The following PARD3B variants were observed in gnomAD, a reference collection of about 807,000 sequenced individuals.
PARD3B encodes the protein par-3 family cell polarity regulator beta.
A neutral mutation model predicts 130.2 loss-of-function variants in PARD3B; 103 were observed. The ratio of observed to expected loss-of-function variants is 0.79; its 90% CI spans 0.67 to 0.93. The LOEUF (loss-of-function observed/expected upper bound fraction) is 0.93. PARD3B is among the 40% of genes least tolerant of loss of function. The pLI, the probability that PARD3B is intolerant of heterozygous loss-of-function variation, is 0.00. For missense variants in PARD3B, 1,609 were observed against 1,499.2 expected (o/e 1.07, Z -1.21); for synonymous variants, 583 against 553.2 (o/e 1.05, Z -0.76).
chr2:204,688,578 T>TAAA (rs568862087), intron 2 of PARD3B, among the ~76,000 whole-genome samples: 1 of 94,588 alleles, frequency 1.1e-5, no homozygotes, highest in Non-Finnish European at 2.3e-5. Context: ...AGACTCCATC[T>TAAA]AAAAAAAAAA....
At chr2:205,039,030 A>G (rs1168097433) in intron 3 of PARD3B, among the ~76,000 whole-genome samples, 2 of 151,882 alleles carry the variant, frequency 1.3e-5, no homozygotes, top group Admixed American at 6.6e-5. Context: ...ATCTCTTCTC[A>G]GTACTTTGCT....
intron 18 of PARD3B, among the ~76,000 whole-genome samples, chr2:205,387,908 T>C (rs916122221): frequency 5.3e-5 from 8 of 152,278 alleles, no homozygotes; most frequent in African/African-American, 1.9e-4. Context: ...TTTTAATGCA[T>C]TATGGCAGAT....
intron 20 of PARD3B, among the ~76,000 whole-genome samples, chr2:205,495,787 T>C (rs2049901535): frequency 6.6e-6 from 1 of 152,196 alleles, no homozygotes; most frequent in Admixed American, 6.5e-5. Flanking sequence ...GAGCAGTCTT[T>C]GAAATGAGAA....
chr2:204,774,918 C>A (rs897567943), intron 2 of PARD3B, among the ~76,000 whole-genome samples: 1 of 152,120 alleles, frequency 6.6e-6, no homozygotes, highest in Non-Finnish European at 1.5e-5. Flanking sequence ...TGGCATTTCT[C>A]AGTGCTTTCA....
intron 1 of PARD3B, among the ~76,000 whole-genome samples, chr2:204,607,939 C>A (rs2033785291): frequency 6.6e-6 from 1 of 152,138 alleles, no homozygotes; most frequent in South Asian, 2.1e-4. Flanking sequence ...ACCCCTTTGA[C>A]AATTTGGACA....
intron 21 of PARD3B, among the ~76,000 whole-genome samples, chr2:205,543,478 G>T (rs928750583): frequency 6.6e-6 from 1 of 152,000 alleles, no homozygotes; most frequent in East Asian, 1.9e-4. Context: ...CACCACCATG[G>T]GTTCATTTGA....
chr2:205,206,216 CTT>C (rs201694463), intron 15 of PARD3B, among the ~76,000 whole-genome samples: 11 of 127,884 alleles, frequency 8.6e-5, no homozygotes, highest in African/African-American at 3.2e-4. Flanking sequence ...TTTTTTTTTT[CTT>C]TTTTTTTTTT....
chr2:205,018,506 G>T (rs1043495517), intron 3 of PARD3B, among the ~76,000 whole-genome samples: 1 of 151,974 alleles, frequency 6.6e-6, no homozygotes, highest in Non-Finnish European at 1.5e-5. Context: ...AGTGTTTTCA[G>T]TTGATCTCTT....
intron 20 of PARD3B, among the ~76,000 whole-genome samples, chr2:205,452,965 A>C (rs2048155691): frequency 6.6e-6 from 1 of 152,208 alleles, no homozygotes; most frequent in African/African-American, 2.4e-5. Flanking sequence ...ATTGACCGGG[A>C]TGCTTTTCAA....
intron 1 of PARD3B, among the ~76,000 whole-genome samples, chr2:204,604,730 A>G (rs1309504393): frequency 6.6e-6 from 1 of 152,186 alleles, no homozygotes; most frequent in Non-Finnish European, 1.5e-5. Flanking sequence ...TGATATTTAG[A>G]GTTCCTTTAA....
At position 205,361,439 on chromosome 2, in the gene PARD3B, C is replaced by T. The variant is rs552266424; in HGVS notation, c.2631-39574C>T. ...CTGGACAGTGCTGAGTACACACTGA[C>T]GAATTCTTCTTGCCTAATCCTCTCT... is the stretch of plus-strand genomic sequence containing the variant. On this transcript the variant is annotated intron_variant, in intron 18 of 22. Coordinates refer to ENST00000406610, the MANE Select transcript of PARD3B (RefSeq NM_001302769.2). Among the ~76,000 whole-genome samples the T allele has an allele frequency of 5.3e-5, 8 of 152,288 alleles. No homozygotes were observed. The South Asian group carries it at 8.3e-4, about 16-fold the overall frequency.
chr2:205,227,057 GT>G lies in PARD3B; in HGVS notation c.2141-18711del, dbSNP rs201634658. Among the ~76,000 whole-genome samples, 1,000 of 147,828 alleles carry G rather than the reference GT, an allele frequency of 6.8e-3. 6 individuals are homozygous for G. Among genetic ancestry groups the G allele is most frequent in the African/African-American group, 0.019 (772 of 40,358 alleles). On this transcript the variant is annotated intron_variant, in intron 15 of 22. Transcript: ENST00000406610. ...AGAATATACTCGATATAATTTCAGG[GT>G]TTTTTTTTTGCATATTTTAAGACTT...
intron 3 of PARD3B, among the ~76,000 whole-genome samples, chr2:204,973,951 A>G (rs1054405434): frequency 6.6e-6 from 1 of 152,064 alleles, no homozygotes; most frequent in Non-Finnish European, 1.5e-5. Context: ...AAAGACAAAG[A>G]CCTCCCAGAT....
Position 205,413,858 on chromosome 2 carries a change from C to T in PARD3B, c.2741+12735C>T, listed in dbSNP as rs76207970. 4.3e-3 allele frequency among the ~76,000 whole-genome samples: 650 copies of T among 152,250 alleles called. 1 individual carries two copies. Among genetic ancestry groups the T allele is most frequent in the Non-Finnish European group, 6.9e-3 (466 of 68,016 alleles). On this transcript the variant is annotated intron_variant, in intron 19 of 22. Coordinates refer to ENST00000406610, the MANE Select transcript of PARD3B (RefSeq NM_001302769.2). ...TCAAATTGGGCTTGTGTCCCCATCC[C>T]CTTTCATTGACTTAAATTTAATCAG...
chr2:204,815,868 G>C (rs895161622), intron 2 of PARD3B, among the ~76,000 whole-genome samples: 8 of 152,026 alleles, frequency 5.3e-5, no homozygotes, highest in African/African-American at 1.9e-4. Flanking sequence ...TCTGGTCAGG[G>C]AACATGCTTG....
At chr2:205,097,795 C>A (rs1474125132) in intron 4 of PARD3B, among the ~76,000 whole-genome samples, 3 of 150,994 alleles carry the variant, frequency 2.0e-5, no homozygotes, top group Non-Finnish European at 2.9e-5. Context: ...AATTGTCATG[C>A]CAATTTCTGG....
chr2:204,650,344 C>T (rs2035434607), intron 1 of PARD3B, among the ~76,000 whole-genome samples: 1 of 152,108 alleles, frequency 6.6e-6, no homozygotes, highest in Non-Finnish European at 1.5e-5. Context: ...TGTGGCAATT[C>T]CTCAAAGAGT....
chr2:205,123,076 C>T (rs1575855409), intron 8 of PARD3B, among the ~76,000 whole-genome samples: 1 of 152,316 alleles, frequency 6.6e-6, no homozygotes, highest in Middle Eastern at 3.4e-3. Flanking sequence ...TACGACATCA[C>T]ATCTGTACTT....
Position 205,366,948 on chromosome 2 carries a change from G to A in PARD3B, c.2631-34065G>A, listed in dbSNP as rs991232117. On this transcript the variant is annotated intron_variant, in intron 18 of 22. Transcript: ENST00000406610. The surrounding 1 kb of genome is among the most constrained non-coding windows in gnomAD (Gnocchi z 5.0). ...TCATCACACTTAGGTCTGGGAAGCT[G>A]TAAAAACAAAACCTGTGCTGAACAG... is the stretch of plus-strand genomic sequence containing the variant. 3.3e-5 allele frequency among the ~76,000 whole-genome samples: 5 copies of A among 152,226 alleles called. No individual in the cohort carries two copies. Among genetic ancestry groups the A allele is most frequent in the Non-Finnish European group, 7.3e-5 (5 of 68,046 alleles).
Sources: allele counts gnomAD v4.1 joint callset (sites outside exome capture counted in the v4.1 genomes callset), GRCh38; gene constraint gnomAD v4.1.1; non-coding constraint Gnocchi (gnomAD v3.1); transcripts MANE v1.5; gene names NCBI Gene and HGNC (gene_info 2026-07-23, HGNC 2026-07-21).